DMD: variants seen among roughly 807,000 people sequenced by gnomAD.
DMD encodes mutant dystrophin.
DMD carries 63 observed loss-of-function variants against 330.1 expected under a neutral mutation model. The observed-to-expected ratio is 0.19, with a 90% CI of 0.16 to 0.24. The LOEUF (loss-of-function observed/expected upper bound fraction) is 0.24. Ranked by LOEUF, DMD falls within the 10% of genes least tolerant of loss-of-function variation. The pLI, the probability that DMD is intolerant of heterozygous loss-of-function variation, is 1.00. For missense variants in DMD, 3,344 were observed against 2,684.1 expected, an observed-to-expected ratio of 1.25 and a Z score of -5.43; for synonymous variants, 1,223 against 959.8, an observed-to-expected ratio of 1.27 and a Z score of -5.07.
Position 32,344,853 on chromosome X carries a change from G to A in DMD, c.5586+1090C>T, listed in dbSNP as rs767073779. On this transcript the variant is annotated intron_variant, in intron 39 of 78. Coordinates refer to ENST00000357033, the MANE Select transcript of DMD (RefSeq NM_004006.3). ...GTTGGAAGGGTGTGAGTTACATAGC[G>A]TTCCGATTTTCTAGACACATTATGG... is the stretch of plus-strand genomic sequence containing the variant. Among the ~76,000 whole-genome samples, 19 of 111,404 alleles carry A rather than the reference G, an allele frequency of 1.7e-4. No individual in the cohort carries two copies. The South Asian group carries it at 6.5e-3, about 38-fold the overall frequency.
rs2048851376 is a variant in DMD, at chrX:32,545,177, T to A, written c.2150A>T (p.Asp717Val). Residue 717 changes from aspartate to valine, a missense_variant, in exon 17 of 79, where the codon GAT (aspartate) becomes GTT (valine). Physicochemically the swap from Asp to Val is radical, Grantham distance 152. Transcript: ENST00000357033. ...PPQKKRQITV[D>V]SEIRKRLDVD... ...CTCTCACCTTTTCCTAATTTCAGAATCCACAGTAATCTGCCTCTTCTTTTG... is the reference window on the plus strand; with the variant it reads ...CTCTCACCTTTTCCTAATTTCAGAAACCACAGTAATCTGCCTCTTCTTTTG... The A allele has an allele frequency of 8.3e-7, 1 of 1,210,913 alleles. No homozygotes were observed. The highest frequency in any genetic ancestry group is 1.1e-6 in the Non-Finnish European group (1 of 894,826).
At chrX:32,561,826 G>C (rs811600) in intron 16 of DMD, among the ~76,000 whole-genome samples, 17,271 of 111,388 alleles carry the variant, frequency 0.16, 1,229 homozygotes, top group East Asian at 0.34. Flanking sequence ...AAGCCCATCA[G>C]GGTAACAGCA....
At position 33,041,385 on chromosome X, in the gene DMD, T is replaced by G. The variant is rs1041717693; in HGVS notation, c.32-21185A>C. ...TTTCCGCCCCTCCTTCTCGCGGGGC[T>G]CGAGGGACCATGGCCGATCCTCGCG... is the stretch of plus-strand genomic sequence containing the variant. On this transcript the variant is annotated intron_variant, in intron 1 of 78. Coordinates refer to ENST00000357033, the MANE Select transcript of DMD (RefSeq NM_004006.3). 6.7e-6 allele frequency: 8 copies of G among 1,185,800 alleles called. No individual in the cohort carries two copies. In the African/African-American group the frequency reaches 1.2e-4, roughly 18 times the overall value.
rs1455245535 is a variant in DMD at position 32,381,023 on chromosome X, T to A, written c.4675-343A>T. 1.4e-4 allele frequency among the ~76,000 whole-genome samples: 16 copies of A among 111,218 alleles called. 1 individual carries two copies. The highest frequency in any genetic ancestry group is 3.8e-5 in the Non-Finnish European group (2 of 52,871). ...ATAAAACTCATTTCTCACTGAAAACTTACTGTCATGTGTCAATAATATGGC... is the reference window on the plus strand; with the variant it reads ...ATAAAACTCATTTCTCACTGAAAACATACTGTCATGTGTCAATAATATGGC... On this transcript the variant is annotated intron_variant, in intron 33 of 78. Coordinates refer to ENST00000357033, the MANE Select transcript of DMD (RefSeq NM_004006.3).
chrX:32,280,324 G>A (rs978060255), intron 43 of DMD, among the ~76,000 whole-genome samples: 3 of 108,549 alleles, frequency 2.8e-5, no homozygotes, highest in Non-Finnish European at 3.8e-5. Flanking sequence ...CTGAATCCAC[G>A]GGATTCCTTT....
chrX:31,665,381 T>C (rs920688693), intron 53 of DMD, among the ~76,000 whole-genome samples: 1 of 111,986 alleles, frequency 8.9e-6, no homozygotes, highest in Non-Finnish European at 1.9e-5. Context: ...TATAAATCCT[T>C]ATTGGGAAAA....
chrX:32,914,348 C>G (rs1053629828), intron 2 of DMD, among the ~76,000 whole-genome samples: 1 of 112,030 alleles, frequency 8.9e-6, no homozygotes, highest in African/African-American at 3.2e-5. Context: ...CAGCTCGGTA[C>G]AGACCAGAGC....
chrX:32,598,535 C>G (rs1432500125), intron 12 of DMD, among the ~76,000 whole-genome samples: 1 of 111,601 alleles, frequency 9.0e-6, no homozygotes, highest in Non-Finnish European at 1.9e-5. Flanking sequence ...ACATATATTA[C>G]AAAATTACAA....
chrX:32,683,212 T>A (rs2062564469), intron 9 of DMD, among the ~76,000 whole-genome samples: 1 of 111,183 alleles, frequency 9.0e-6, no homozygotes, highest in South Asian at 3.8e-4. Context: ...TACTCAATAA[T>A]TTTCTATTGA....
At chrX:33,152,188 T>C (rs1290098470) in intron 1 of DMD, among the ~76,000 whole-genome samples, 1 of 105,338 alleles carries the variant, frequency 9.5e-6, no homozygotes, top group East Asian at 3.0e-4. Context: ...TTATTATTAT[T>C]AGATAGAGTC....
chrX:31,814,524 T>A (rs1484558340), intron 50 of DMD, among the ~76,000 whole-genome samples: 3 of 97,742 alleles, frequency 3.1e-5, no homozygotes, highest in Non-Finnish European at 6.2e-5. Context: ...AAGAAAACTC[T>A]GTTAACTGGC....
chrX:31,700,272 G>T (rs1177939604), intron 52 of DMD, among the ~76,000 whole-genome samples: 1 of 111,469 alleles, frequency 9.0e-6, no homozygotes, highest in East Asian at 2.8e-4. Context: ...ACTTTCCAAT[G>T]AAGAAAAAAA....
chrX:32,410,087 A>G (rs966047590), intron 30 of DMD, among the ~76,000 whole-genome samples: 3 of 111,772 alleles, frequency 2.7e-5, no homozygotes, highest in African/African-American at 9.7e-5. Flanking sequence ...AGTTTGAAAA[A>G]TATATATACT....
intron 1 of DMD, among the ~76,000 whole-genome samples, chrX:33,133,812 T>G (rs149212339): frequency 1.8e-5 from 2 of 112,221 alleles, no homozygotes; most frequent in African/African-American, 3.2e-5. Context: ...ACTTAACGAT[T>G]TTAAGCACAA....
At chrX:32,607,154 A>G (rs2056793107) in intron 12 of DMD, among the ~76,000 whole-genome samples, 1 of 110,350 alleles carries the variant, frequency 9.1e-6, no homozygotes, top group Non-Finnish European at 1.9e-5. Context: ...ACTTCTTCTA[A>G]GACATGCTTA....
intron 37 of DMD, 90 bp from the exon 38 acceptor site, chrX:32,348,618 G>T: frequency 1.2e-6 from 1 of 828,284 alleles, no homozygotes; most frequent in Admixed American, 2.9e-5. Flanking sequence ...ACCTCCTGTT[G>T]CTAAACTAAT....
At chrX:33,143,980 T>C (rs978050546) in intron 1 of DMD, among the ~76,000 whole-genome samples, 16 of 111,762 alleles carry the variant, frequency 1.4e-4, no homozygotes, top group Admixed American at 1.2e-3. Context: ...AAGTAAATGA[T>C]GAAGATATTA....
At chrX:32,005,119 A>G (rs757708787) in intron 44 of DMD, among the ~76,000 whole-genome samples, 1 of 111,743 alleles carries the variant, frequency 8.9e-6, no homozygotes, top group South Asian at 3.8e-4. Context: ...GGACAATATT[A>G]GCTATATACA....
At chrX:33,087,275 C>T (rs753056616) in intron 1 of DMD, among the ~76,000 whole-genome samples, 1 of 112,415 alleles carries the variant, frequency 8.9e-6, no homozygotes, top group Non-Finnish European at 1.9e-5. Context: ...ACATTTGATT[C>T]TTGCTCTTGG....
Sources: allele counts gnomAD v4.1 joint callset (sites outside exome capture counted in the v4.1 genomes callset), GRCh38; gene constraint gnomAD v4.1.1; transcripts MANE v1.5; gene names NCBI Gene and HGNC (gene_info 2026-07-23, HGNC 2026-07-21).